The following CWC22 variants were observed in gnomAD, a reference collection of about 807,000 sequenced individuals.
The protein encoded by CWC22 is pre-mRNA-splicing factor CWC22 homolog.
Under a neutral mutation model 117.2 loss-of-function variants are expected in CWC22, and 53 were observed. The observed-to-expected ratio is 0.45, with a 90% CI of 0.36 to 0.57. The LOEUF (loss-of-function observed/expected upper bound fraction) is 0.57. Among genes scored for constraint, CWC22 ranks in the 20% least tolerant of loss-of-function variants. CWC22 has a pLI of 0.00. For synonymous variants in CWC22, 360 were observed against 355.6 expected (o/e 1.01, Z -0.14); for missense variants, 980 against 1,068.8 (o/e 0.92, Z 1.16).
chr2:179,967,344 T>C (rs1459222146), intron 11 of CWC22, among the ~76,000 whole-genome samples: 1 of 152,184 alleles, frequency 6.6e-6, no homozygotes, highest in Admixed American at 6.5e-5. Context: ...TAGTATCACT[T>C]AGGCAAGGAC....
chr2:179,978,239 T>A lies in CWC22; in HGVS notation c.532A>T (p.Ile178Leu). 1 of 1,574,040 alleles carries A rather than the reference T, an allele frequency of 6.4e-7. No homozygotes were observed. The highest frequency in any genetic ancestry group is 1.4e-5 in the African/African-American group (1 of 73,402). Reference protein sequence around the residue: ...GLINKVNISNISIIIQELLQE... With the variant: ...GLINKVNISNLSIIIQELLQE... ...AGAAGCTCTTGAATAATAATACTTA[T>A]GTTGGAAATGTTGACTTTGTTGATA... Residue 178 changes from isoleucine (I) to leucine (L), a missense_variant, in exon 6 of 20, where the codon ATA (isoleucine) becomes TTA (leucine). Around this residue, in one of 3 missense-constraint regions of CWC22, gnomAD observed 559 missense variants for 602.3 expected, o/e 0.93. Transcript: ENST00000410053.
Position 179,973,223 on chromosome 2 carries a change from T to G in CWC22, c.774A>C (p.Lys258Asn). 1 of 1,602,026 alleles carries G rather than the reference T, an allele frequency of 6.2e-7. No homozygotes were observed. The highest frequency in any genetic ancestry group is 8.5e-7 in the Non-Finnish European group (1 of 1,173,576). The change falls in exon 8 of 20, where the codon AAA (lysine) becomes AAC (asparagine). Residue 258 changes from lysine to asparagine, a missense_variant. This residue lies in a region of CWC22 where 559 missense variants were observed against 602.3 expected (regional missense o/e 0.93). Transcript: ENST00000410053. ...TTTGGTTAATAAGATGCGCCACAAATTTTGAAGCAGTCAGGCAAAGTTGCT... is the reference window on the plus strand; with the variant it reads ...TTTGGTTAATAAGATGCGCCACAAAGTTTGAAGCAGTCAGGCAAAGTTGCT... ...NDKQLCLTAS[K>N]FVAHLINQNV... is the part of the protein sequence containing the mutation.
At chr2:179,984,130 T>C (rs913009173) in intron 4 of CWC22, among the ~76,000 whole-genome samples, 1 of 152,130 alleles carries the variant, frequency 6.6e-6, no homozygotes, top group Non-Finnish European at 1.5e-5. Context: ...CATAGAGTTA[T>C]ACTGAAGTAC....
Position 179,944,971 on chromosome 2 carries a change from T to C in CWC22, c.*158A>G. On this transcript the variant is annotated 3_prime_UTR_variant, in exon 20 of 20. Coordinates refer to ENST00000410053, the MANE Select transcript of CWC22 (RefSeq NM_020943.3). The stretch of plus-strand genomic sequence containing the variant: ...TAATTTTATGGGTAGGGCCTTGAGA[T>C]GTATCAATTATAAAACATGTTAAAA... 1.9e-6 allele frequency: 1 copy of C among 527,728 alleles called. No individual in the cohort carries two copies. The highest frequency in any genetic ancestry group is 3.2e-6 in the Non-Finnish European group (1 of 309,758). 32.7% of individuals were successfully genotyped at this position (527,728 alleles called of 1,614,324 possible). A position where few individuals can be genotyped will look rare whatever the true frequency, so the allele number is the denominator to read the frequency against.
chr2:179,949,188 T>G (rs956807104), intron 19 of CWC22, among the ~76,000 whole-genome samples: 2 of 152,124 alleles, frequency 1.3e-5, no homozygotes, highest in African/African-American at 4.8e-5. Context: ...ATCTGCTGAT[T>G]CAGGGATGCT....
chr2:179,969,522 T>C (rs934461795), intron 11 of CWC22, among the ~76,000 whole-genome samples: 15 of 152,228 alleles, frequency 9.9e-5, no homozygotes, highest in Non-Finnish European at 1.8e-4. Context: ...CTGCTTTCTC[T>C]GTATATGAGA....
chr2:179,988,569 C>T lies in CWC22; in HGVS notation c.95+8G>A. ...TACATTGCATTCAGAGCATATTAAA[C>T]TATTTACCTGTCTTCTGGAGAGGAG... On this transcript the variant is annotated splice_region_variant and intron_variant, in intron 3 of 19. Coordinates refer to ENST00000410053, the MANE Select transcript of CWC22 (RefSeq NM_020943.3). 7.1e-7 allele frequency: 1 copy of T among 1,410,084 alleles called. No homozygotes were observed. Among genetic ancestry groups the T allele is most frequent in the Non-Finnish European group, 9.8e-7 (1 of 1,025,274 alleles). 87.3% of individuals were successfully genotyped at this position (1,410,084 alleles called of 1,614,324 possible).
rs1004395376 is a variant in CWC22 at position 179,999,735 on chromosome 2, A to G, written c.-113-6281T>C. 2.6e-5 allele frequency among the ~76,000 whole-genome samples: 4 copies of G among 152,192 alleles called. No homozygotes were observed. The South Asian group carries it at 6.2e-4, about 24-fold the overall frequency. On this transcript the variant is annotated intron_variant, in intron 1 of 19. Coordinates refer to ENST00000410053, the MANE Select transcript of CWC22 (RefSeq NM_020943.3). ...GGGGAATCAATAGTGAGTTACCTTT[A>G]GTTGGCTCCTCTGGCTTCTAAATAG...
In CWC22 at chr2:179,988,608, A is replaced by T; in HGVS notation, c.64T>A (p.Ser22Thr). Residue 22 changes from serine (S) to threonine (T), a missense_variant, in exon 3 of 20, where the codon TCA becomes ACA. By Grantham distance (58) the Ser-to-Thr change is moderately conservative. Coordinates refer to ENST00000410053, the MANE Select transcript of CWC22 (RefSeq NM_020943.3). ...TCTGGAGAGGAGTTCCTCTGATATG[A>T]ATTAAGGTTTTCCCTTCTGTCATGA... ...SGHDRRENLN[S>T]YQRNSSPEDR... The T allele has an allele frequency of 6.5e-7, 1 of 1,531,966 alleles. No individual in the cohort carries two copies. The highest frequency in any genetic ancestry group is 2.4e-5 in the East Asian group (1 of 42,214). The allele number at this position is 1,531,966 out of a possible 1,614,324, so 94.9% of individuals were successfully genotyped here.
intron 2 of CWC22, 143 bp from the exon 3 acceptor site, chr2:179,988,787 C>G: frequency 2.0e-6 from 1 of 502,238 alleles, no homozygotes; most frequent in Non-Finnish European, 3.5e-6. Flanking sequence ...TTCATGTAAC[C>G]TAAACAGTCT....
intron 11 of CWC22, among the ~76,000 whole-genome samples, chr2:179,967,640 G>C (rs531787026): frequency 6.6e-6 from 1 of 152,260 alleles, no homozygotes; most frequent in South Asian, 2.1e-4. Flanking sequence ...TTTCATCTGA[G>C]AATGTCCTTG....
chr2:179,959,930 G>A (rs910397696), intron 13 of CWC22, among the ~76,000 whole-genome samples: 1 of 151,914 alleles, frequency 6.6e-6, no homozygotes, highest in Non-Finnish European at 1.5e-5. Context: ...AAAATAAGAG[G>A]TATATGCATT....
chr2:180,004,600 G>A (rs1157790743), intron 1 of CWC22, among the ~76,000 whole-genome samples: 3 of 151,954 alleles, frequency 2.0e-5, no homozygotes, highest in Admixed American at 2.0e-4. Flanking sequence ...TCACCATGTT[G>A]GCCAGGCTGG....
Position 179,944,876 on chromosome 2 carries a change from T to C in CWC22, c.*253A>G, listed in dbSNP as rs1297492421. ...AATTGAAAAAACATCACTGAATCAA[T>C]GAGCTTTTGATCATTTTATTCACAA... On this transcript the variant is annotated 3_prime_UTR_variant, in exon 20 of 20. Coordinates refer to ENST00000410053, the MANE Select transcript of CWC22 (RefSeq NM_020943.3). The C allele has an allele frequency of 3.1e-6, 1 of 322,206 alleles. No homozygotes were observed. The highest frequency in any genetic ancestry group is 4.7e-5 in the Admixed American group (1 of 21,266). 20.0% of individuals were successfully genotyped at this position (322,206 alleles called of 1,614,324 possible).
chr2:179,975,810 T>C (rs1270652063), intron 6 of CWC22, among the ~76,000 whole-genome samples: 1 of 152,130 alleles, frequency 6.6e-6, no homozygotes. Context: ...TGAAATAATA[T>C]GTTAAAATGT....
chr2:179,986,279 G>A (rs575745489), intron 4 of CWC22, among the ~76,000 whole-genome samples: 7 of 152,076 alleles, frequency 4.6e-5, no homozygotes, highest in Non-Finnish European at 8.8e-5. Flanking sequence ...CTGCCATTAC[G>A]CAGGAAAGTA....
chr2:179,987,753 T>C, intron 3 of CWC22, among the ~76,000 whole-genome samples: 1 of 152,216 alleles, frequency 6.6e-6, no homozygotes, highest in Non-Finnish European at 1.5e-5. Flanking sequence ...TAATAGACCA[T>C]ATGCTTAATG....
rs2105573230 is a variant in CWC22, at chr2:180,007,119, T to C, written c.-366A>G. 6.6e-6 allele frequency: 1 copy of C among 152,306 alleles called. No homozygotes were observed. The highest frequency in any genetic ancestry group is 1.5e-5 in the Non-Finnish European group (1 of 68,036). The allele number at this position is 152,306 out of a possible 1,614,324, so 9.4% of individuals were successfully genotyped here. A position where few individuals can be genotyped will look rare whatever the true frequency, so the allele number is the denominator to read the frequency against. Reference sequence around the variant, plus strand: ...ACACCGGACGTACGTCACTTCCTCTTCCCGAGCACCGACGGTAGGAAGAAG... The same window carrying C: ...ACACCGGACGTACGTCACTTCCTCTCCCCGAGCACCGACGGTAGGAAGAAG... On this transcript the variant is annotated 5_prime_UTR_variant, in exon 1 of 20. Transcript: ENST00000410053.
intron 8 of CWC22, among the ~76,000 whole-genome samples, chr2:179,971,686 A>G (rs1687038360): frequency 6.6e-6 from 1 of 152,226 alleles, no homozygotes; most frequent in South Asian, 2.1e-4. Flanking sequence ...TGACATTTAT[A>G]AACAATGCCA....
Sources: allele counts gnomAD v4.1 joint callset (sites outside exome capture counted in the v4.1 genomes callset), GRCh38; gene constraint gnomAD v4.1.1; regional missense constraint gnomAD v4.1.1; transcripts MANE v1.5; gene names NCBI Gene and HGNC (gene_info 2026-07-23, HGNC 2026-07-21).